The following NCOA7 variants were observed in gnomAD, a reference collection of about 807,000 sequenced individuals.
NCOA7 encodes the protein 140 kDa estrogen receptor-associated protein.
NCOA7 carries 45 observed loss-of-function variants against 104.3 expected under a neutral mutation model. The observed-to-expected ratio is 0.43, with a 90% confidence interval of 0.34 to 0.55. The LOEUF is 0.55. NCOA7 is among the 20% of genes least tolerant of loss of function. NCOA7 has a pLI of 0.02. For missense variants in NCOA7, 1,041 were observed against 1,119.7 expected (o/e 0.93, Z 1.00); for synonymous variants, 398 against 402.3 (o/e 0.99, Z 0.13).
chr6:125,914,238 A>T (rs1398889069), intron 10 of NCOA7, among the ~76,000 whole-genome samples: 1 of 152,244 alleles, frequency 6.6e-6, no homozygotes, highest in Non-Finnish European at 1.5e-5. Context: ...CAGGCTAATT[A>T]TGGTTTATTA....
intron 2 of NCOA7, among the ~76,000 whole-genome samples, chr6:125,842,485 G>C (rs965642092): frequency 2.6e-5 from 4 of 152,128 alleles, no homozygotes; most frequent in African/African-American, 9.7e-5. Context: ...AAGATTCATT[G>C]AGTAGTCAGA....
At chr6:125,892,717 G>T (rs1333042459) in intron 10 of NCOA7, among the ~76,000 whole-genome samples, 2 of 152,012 alleles carry the variant, frequency 1.3e-5, no homozygotes, top group Non-Finnish European at 2.9e-5. Flanking sequence ...GGTCACTTGT[G>T]GGATTCTGTT....
chr6:125,794,752 T>TA (rs1462652767), intron 1 of NCOA7, among the ~76,000 whole-genome samples: 2 of 152,252 alleles, frequency 1.3e-5, no homozygotes, highest in African/African-American at 4.8e-5. Flanking sequence ...TTTAAACTCT[T>TA]ACATTTATAT....
chr6:125,847,167 C>T (rs754316557), intron 2 of NCOA7, among the ~76,000 whole-genome samples: 6 of 152,128 alleles, frequency 3.9e-5, no homozygotes, highest in Non-Finnish European at 7.4e-5. Flanking sequence ...TACCCTTGTA[C>T]ACATATTTTC....
intron 1 of NCOA7, among the ~76,000 whole-genome samples, chr6:125,806,998 C>T (rs878965785): frequency 5.9e-5 from 9 of 152,180 alleles, no homozygotes; most frequent in African/African-American, 1.7e-4. Flanking sequence ...TCATATAAAA[C>T]GGTTGCTCAG....
intron 1 of NCOA7, among the ~76,000 whole-genome samples, chr6:125,811,489 G>A (rs1776999272): frequency 6.6e-6 from 1 of 152,166 alleles, no homozygotes; most frequent in Non-Finnish European, 1.5e-5. Context: ...TATGAAATAA[G>A]CTCTTTAGGG....
In NCOA7 at chr6:125,891,416, G is replaced by A. The variant is rs187348047; in HGVS notation, c.2096+606G>A. On this transcript the variant is annotated intron_variant, in intron 10 of 15. Transcript: ENST00000392477. ...AATTCTTCAACAGTATATCACTGAG[G>A]ATGTCTTTATAATAAAAATAATTAG... Among the ~76,000 whole-genome samples the A allele has an allele frequency of 9.3e-4, 142 of 152,302 alleles. 2 individuals are homozygous for A. In the Middle Eastern group the frequency reaches 0.034, roughly 36 times the overall value.
chr6:125,811,544 T>C (rs543173930), intron 1 of NCOA7, among the ~76,000 whole-genome samples: 4 of 152,192 alleles, frequency 2.6e-5, no homozygotes, highest in East Asian at 3.9e-4. Context: ...TGAAGTAGAA[T>C]TGGGCCTTGT....
chr6:125,897,119 A>G (rs546402719), intron 10 of NCOA7, among the ~76,000 whole-genome samples: 1 of 152,232 alleles, frequency 6.6e-6, no homozygotes, highest in Non-Finnish European at 1.5e-5. Flanking sequence ...ACATGCGCAC[A>G]CAGGTATCTG....
chr6:125,871,602 C>T (rs764555332), intron 3 of NCOA7, among the ~76,000 whole-genome samples: 68 of 152,302 alleles, frequency 4.5e-4, no homozygotes, highest in Non-Finnish European at 9.1e-4. Flanking sequence ...GGCAGGTGCA[C>T]ATGATTTGCC....
chr6:125,790,080 G>T (rs191523608), upstream of NCOA7, among the ~76,000 whole-genome samples: 90 of 152,292 alleles, frequency 5.9e-4, no homozygotes, highest in Non-Finnish European at 1.1e-3. Context: ...TCGGCTGGAG[G>T]GCCCAACTGC....
At chr6:125,843,692 C>T (rs932073824) in intron 2 of NCOA7, among the ~76,000 whole-genome samples, 4 of 152,122 alleles carry the variant, frequency 2.6e-5, no homozygotes, top group African/African-American at 9.7e-5. Flanking sequence ...ACACAATTCT[C>T]TTATTACCTG....
At chr6:125,830,737 A>ATATATG (rs1453188613) in intron 2 of NCOA7, among the ~76,000 whole-genome samples, 32 of 93,048 alleles carry the variant, frequency 3.4e-4, no homozygotes, top group African/African-American at 1.2e-3. Flanking sequence ...ATATATATAT[A>ATATATG]TGTGTGTGTG....
At chr6:125,812,366 G>A (rs530811992) in intron 1 of NCOA7, among the ~76,000 whole-genome samples, 1 of 152,204 alleles carries the variant, frequency 6.6e-6, no homozygotes, top group African/African-American at 2.4e-5. Flanking sequence ...TTATTCATTG[G>A]ACAGCCCCAA....
intron 10 of NCOA7, among the ~76,000 whole-genome samples, chr6:125,906,726 G>A (rs1161561051): frequency 6.6e-6 from 1 of 152,148 alleles, no homozygotes. Context: ...CCAGGAGAAA[G>A]ATGTGGTTTA....
At chr6:125,833,664 A>G (rs528123378) in intron 2 of NCOA7, among the ~76,000 whole-genome samples, 1 of 152,116 alleles carries the variant, frequency 6.6e-6, no homozygotes, top group Non-Finnish European at 1.5e-5. Flanking sequence ...GGGTGGTGGC[A>G]AGGGGTGCTT....
At chr6:125,835,073 A>T (rs571315248) in intron 2 of NCOA7, among the ~76,000 whole-genome samples, 41 of 152,368 alleles carry the variant, frequency 2.7e-4, no homozygotes, top group Middle Eastern at 6.8e-3. Context: ...TTTCCCAGAT[A>T]AAAGTTCTTT....
intron 2 of NCOA7, among the ~76,000 whole-genome samples, chr6:125,845,471 A>C (rs918587699): frequency 6.6e-6 from 1 of 152,234 alleles, no homozygotes; most frequent in Non-Finnish European, 1.5e-5. Context: ...ACCACATTAC[A>C]TACCTATAAA....
chr6:125,818,188 C>T (rs1777780662), intron 2 of NCOA7, among the ~76,000 whole-genome samples: 1 of 152,066 alleles, frequency 6.6e-6, no homozygotes, highest in African/African-American at 2.4e-5. Context: ...CCTTCTCAGC[C>T]TGAATCCAAA....
Sources: gnomAD v4.1 joint callset for allele counts (sites outside exome capture counted in the v4.1 genomes callset) on GRCh38, gnomAD v4.1.1 for gene constraint, MANE v1.5 for transcripts, NCBI Gene and HGNC (gene_info 2026-07-23, HGNC 2026-07-21) for gene names.